Variants in BMX observed in about 807,000 individuals in gnomAD.
BMX encodes BMX non-receptor tyrosine kinase, also known as cytoplasmic tyrosine-protein kinase BMX.
BMX carries 31 observed loss-of-function variants against 59.2 expected under a neutral mutation model. That is an observed-to-expected ratio of 0.52 (90% CI 0.39 to 0.71). BMX has a LOEUF of 0.71. Ranked by LOEUF, BMX falls within the 30% of genes least tolerant of loss-of-function variation. BMX has a pLI of 0.00. For missense variants in BMX, 474 were observed against 491.7 expected, an observed-to-expected ratio of 0.96 and a Z score of 0.34; for synonymous variants, 185 against 181.0, an observed-to-expected ratio of 1.02 and a Z score of -0.18.
In BMX at chrX:15,543,129, T is replaced by C; in HGVS notation, c.1670T>C (p.Met557Thr). 8.3e-7 allele frequency: 1 copy of C among 1,207,981 alleles called. No homozygotes were observed. Among genetic ancestry groups the C allele is most frequent in the Non-Finnish European group, 1.1e-6 (1 of 893,168 alleles). The change falls in exon 16 of 19, where the codon ATG (methionine) becomes ACG (threonine). Residue 557 changes from methionine (M) to threonine (T), a missense_variant. Met to Thr is a moderately conservative substitution (Grantham distance 81, BLOSUM62 -1). Transcript: ENST00000348343. ...TGTGTGAAAGTATCTGACTTTGGAA[T>C]GACAAGGTAAGCCAATTCCGAAAGG... ...DLCVKVSDFG[M>T]TRYVLDDQYV... is the part of the protein sequence containing the mutation.
Position 15,522,370 on chromosome X carries a change from G to A in BMX, c.535G>A (p.Val179Ile). 8.3e-7 allele frequency: 1 copy of A among 1,211,641 alleles called. No individual in the cohort carries two copies. The highest frequency in any genetic ancestry group is 1.1e-6 in the Non-Finnish European group (1 of 895,422). ...RVLKIPRAVP[V>I]LKMDAPSSST... is the part of the protein sequence containing the mutation. ...GCTGAAGATACCTCGGGCAGTTCCT[G>A]TTCTCAAAATGGATGCACCATCTTC... Residue 179 changes from valine to isoleucine, a missense_variant, in exon 7 of 19, where the codon GTT (valine) becomes ATT (isoleucine). Coordinates refer to ENST00000348343, the MANE Select transcript of BMX (RefSeq NM_203281.3).
At chrX:15,545,165 T>C (rs1925888362) in intron 16 of BMX, among the ~76,000 whole-genome samples, 1 of 112,275 alleles carries the variant, frequency 8.9e-6, no homozygotes, top group African/African-American at 3.2e-5. Context: ...CTGCAGCAAC[T>C]CAATTCTTGC....
chrX:15,540,558 A>G (rs766488007), intron 14 of BMX, among the ~76,000 whole-genome samples: 1 of 109,896 alleles, frequency 9.1e-6, no homozygotes, highest in Admixed American at 9.7e-5. Flanking sequence ...GTATCCCAGA[A>G]CTCAAAGTAT....
intron 14 of BMX, among the ~76,000 whole-genome samples, chrX:15,538,190 C>T (rs1925467696): frequency 9.3e-6 from 1 of 107,099 alleles, no homozygotes; most frequent in South Asian, 4.2e-4. Flanking sequence ...TCTCCCTCTT[C>T]CTCTCTCTCC....
intron 14 of BMX, among the ~76,000 whole-genome samples, chrX:15,538,235 G>A (rs1168181098): frequency 1.0e-5 from 1 of 99,772 alleles, no homozygotes; most frequent in East Asian, 3.1e-4. Flanking sequence ...CCCTCTCTCA[G>A]TTGTATATAA....
At chrX:15,544,095 A>G (rs1160584905) in intron 16 of BMX, among the ~76,000 whole-genome samples, 2 of 111,583 alleles carry the variant, frequency 1.8e-5, no homozygotes, top group Admixed American at 9.5e-5. Flanking sequence ...TGCTGACTCA[A>G]TATGTAATTC....
intron 14 of BMX, among the ~76,000 whole-genome samples, chrX:15,539,230 A>G (rs1925532813): frequency 9.0e-6 from 1 of 110,684 alleles, no homozygotes; most frequent in Non-Finnish European, 1.9e-5. Flanking sequence ...TTTAAAACAT[A>G]TTTTTGCCAT....
intron 3 of BMX, among the ~76,000 whole-genome samples, chrX:15,510,418 G>A (rs1923907764): frequency 8.9e-6 from 1 of 111,776 alleles, no homozygotes; most frequent in Non-Finnish European, 1.9e-5. Flanking sequence ...GTTCATGACT[G>A]TAATCCCAGC....
At chrX:15,518,259 A>G (rs1445168716) in intron 6 of BMX, among the ~76,000 whole-genome samples, 2 of 110,299 alleles carry the variant, frequency 1.8e-5, no homozygotes, top group East Asian at 5.7e-4. Flanking sequence ...AAAAAAAAAG[A>G]AAAAATGGGT....
At chrX:15,542,563 GAA>G (rs111734465) in intron 15 of BMX, among the ~76,000 whole-genome samples, 14 of 100,616 alleles carry the variant, frequency 1.4e-4, no homozygotes, top group African/African-American at 4.3e-4. Flanking sequence ...AACTGAACAT[GAA>G]AAAAAAAAAA....
Position 15,516,046 on chromosome X carries a change from A to G in BMX, c.326-66A>G. ...TTATTGTTCTGTGATAACAGCACTTACTGAATGTTTCTCCTCTTGGATCAA... is the reference window on the plus strand; with the variant it reads ...TTATTGTTCTGTGATAACAGCACTTGCTGAATGTTTCTCCTCTTGGATCAA... On this transcript the variant is annotated intron_variant, in intron 4 of 18. Coordinates refer to ENST00000348343, the MANE Select transcript of BMX (RefSeq NM_203281.3). The G allele has an allele frequency of 3.4e-6, 4 of 1,184,375 alleles. No individual in the cohort carries two copies. The South Asian group carries it at 5.5e-5, about 16-fold the overall frequency.
In BMX at chrX:15,538,733, G is replaced by A. The variant is rs752141604; in HGVS notation, c.1394+1428G>A. 3.6e-5 allele frequency among the ~76,000 whole-genome samples: 4 copies of A among 111,881 alleles called. No homozygotes were observed. In the East Asian group the frequency reaches 1.1e-3, roughly 32 times the overall value. ...TACAAACCCAGGCAGACATTCTAGG[G>A]TCCATTTCTTTAGTTATTCTTTTAT... On this transcript the variant is annotated intron_variant, in intron 14 of 18. Coordinates refer to ENST00000348343, the MANE Select transcript of BMX (RefSeq NM_203281.3).
At chrX:15,505,924 TTTA>T (rs1370233778) in intron 1 of BMX, among the ~76,000 whole-genome samples, 1 of 111,926 alleles carries the variant, frequency 8.9e-6, no homozygotes, top group Non-Finnish European at 1.9e-5. Flanking sequence ...TTCTTCTTTC[TTTA>T]TTATTATTAA....
chrX:15,539,541 A>G (rs186240415), intron 14 of BMX, among the ~76,000 whole-genome samples: 1 of 111,874 alleles, frequency 8.9e-6, no homozygotes, highest in African/African-American at 3.2e-5. Context: ...CAAAACTGCT[A>G]AAAGATGAAT....
chrX:15,534,344 C>T lies in BMX; in HGVS notation c.1147+5C>T, dbSNP rs771209153. The T allele has an allele frequency of 6.1e-6, 7 of 1,156,531 alleles. No individual in the cohort carries two copies. The highest frequency in any genetic ancestry group is 6.4e-5 in the East Asian group (2 of 31,153). ...ATCATCAACACAATTCAGCAGGTAA[C>T]TTATTTTAGTTTTTCTTTTATGGGC... On this transcript the variant is annotated splice_donor_5th_base_variant and intron_variant, in intron 12 of 18. Coordinates refer to ENST00000348343, the MANE Select transcript of BMX (RefSeq NM_203281.3).
At chrX:15,528,588 G>T (rs998661758) in intron 9 of BMX, among the ~76,000 whole-genome samples, 2 of 110,220 alleles carry the variant, frequency 1.8e-5, no homozygotes, top group Non-Finnish European at 3.8e-5. Flanking sequence ...AGCCCGGGAG[G>T]TCGAGGCTGT....
chrX:15,522,311 C>T (rs767179781), intron 6 of BMX, 35 bp from the exon 7 acceptor site: 6 of 1,201,153 alleles, frequency 5.0e-6, no homozygotes, highest in South Asian at 1.8e-5. Context: ...ATCTGTGCCT[C>T]ACTGTGATGT....
At chrX:15,540,583 T>C (rs368839160) in intron 14 of BMX, among the ~76,000 whole-genome samples, 1 of 108,887 alleles carries the variant, frequency 9.2e-6, no homozygotes, top group African/African-American at 3.4e-5. Context: ...AAAAAAAAAA[T>C]AAAATTTAAA....
Position 15,534,226 on chromosome X carries a change from CT to C in BMX, c.1035del (p.Val346SerfsTer39), listed in dbSNP as rs1181602375. On this transcript the variant is annotated frameshift_variant, in exon 12 of 19. Transcript: ENST00000348343. LOFTEE classifies it high-confidence loss of function. ...FSKAVNDKKGTVKHYHVHTNA... is the reference protein window; with the variant it reads ...FSKAVNDKKGXVKHYHVHTNA... ...TCTGTTACTAGTGATAAAAAAGGAA[CT>C]GTCAAACATTACCACGTGCATACAA... 8.6e-7 allele frequency: 1 copy of C among 1,163,151 alleles called. No homozygotes were observed. The highest frequency in any genetic ancestry group is 1.2e-6 in the Non-Finnish European group (1 of 869,412).
Sources: gnomAD v4.1 joint callset for allele counts (sites outside exome capture counted in the v4.1 genomes callset) on GRCh38, gnomAD v4.1.1 for gene constraint, MANE v1.5 for transcripts, NCBI Gene and HGNC (gene_info 2026-07-23, HGNC 2026-07-21) for gene names.